TUSC3: variants seen among roughly 807,000 people sequenced by gnomAD.
The protein encoded by TUSC3 is tumor suppressor candidate 3.
TUSC3 carries 45 observed loss-of-function variants against 44.8 expected under a neutral mutation model. That is an observed-to-expected ratio of 1.00 (90% CI 0.79 to 1.29). The LOEUF (loss-of-function observed/expected upper bound fraction) is 1.29. Among genes scored for constraint, TUSC3 ranks in the 50% most tolerant of loss-of-function variants. TUSC3 has a pLI of 0.00. For synonymous variants in TUSC3, 212 were observed against 152.9 expected (o/e 1.39, Z -2.85); for missense variants, 519 against 437.9 (o/e 1.19, Z -1.65).
At chr8:15,496,541 G>A (rs565935097) in intron 2 of TUSC3, among the ~76,000 whole-genome samples, 1 of 152,146 alleles carries the variant, frequency 6.6e-6, no homozygotes, top group African/African-American at 2.4e-5. Context: ...TGCCGACAAG[G>A]TCTTACTTTT....
intron 1 of TUSC3, among the ~76,000 whole-genome samples, chr8:15,428,451 G>T (rs925139249): frequency 2.0e-5 from 3 of 151,952 alleles, no homozygotes; most frequent in Admixed American, 1.3e-4. Flanking sequence ...TGTCTTTATA[G>T]CAGCATGATT....
At chr8:15,493,876 A>G (rs571657058) in intron 2 of TUSC3, among the ~76,000 whole-genome samples, 54 of 152,214 alleles carry the variant, frequency 3.5e-4, no homozygotes, top group Non-Finnish European at 7.2e-4. Context: ...ACCCTTCTTC[A>G]TAGCTGAAGG....
intron 2 of TUSC3, among the ~76,000 whole-genome samples, chr8:15,528,017 T>A (rs554589779): frequency 6.6e-6 from 1 of 152,210 alleles, no homozygotes; most frequent in Non-Finnish European, 1.5e-5. Flanking sequence ...CAGATAAATA[T>A]TCTTTGACAT....
At chr8:15,709,630 T>A (rs996945002) in intron 6 of TUSC3, among the ~76,000 whole-genome samples, 2 of 151,816 alleles carry the variant, frequency 1.3e-5, no homozygotes, top group African/African-American at 4.8e-5. Flanking sequence ...AGGAGGATGA[T>A]GATGATGATG....
intron 8 of TUSC3, among the ~76,000 whole-genome samples, chr8:15,747,727 A>G (rs1283375321): frequency 1.3e-5 from 2 of 152,084 alleles, no homozygotes; most frequent in South Asian, 4.1e-4. Context: ...AGCACATTCG[A>G]CTATAACATA....
At chr8:15,617,787 A>C (rs1805060660) in intron 1 of TUSC3, among the ~76,000 whole-genome samples, 1 of 152,190 alleles carries the variant, frequency 6.6e-6, no homozygotes, top group Admixed American at 6.5e-5. Context: ...TTTTATTTTG[A>C]AACCATCCTC....
chr8:15,525,729 T>C (rs951582275), intron 2 of TUSC3, among the ~76,000 whole-genome samples: 6 of 151,992 alleles, frequency 3.9e-5, no homozygotes, highest in African/African-American at 1.4e-4. Flanking sequence ...TTGCTCTGGG[T>C]CTCCAGTGAT....
intron 1 of TUSC3, among the ~76,000 whole-genome samples, chr8:15,466,654 C>A (rs1800418381): frequency 6.6e-6 from 1 of 152,104 alleles, no homozygotes. Flanking sequence ...CTCAAATAAT[C>A]TTTTGCATTT....
At chr8:15,635,189 A>G (rs1024464094) in intron 2 of TUSC3, among the ~76,000 whole-genome samples, 3 of 152,212 alleles carry the variant, frequency 2.0e-5, no homozygotes, top group Non-Finnish European at 4.4e-5. Context: ...AAATTTTTCA[A>G]AATAGATCTG....
rs1402594845 is a variant in TUSC3, at chr8:15,710,721, C to T, written c.799-19945C>T. Among the ~76,000 whole-genome samples, 4 of 151,178 alleles carry T rather than the reference C, an allele frequency of 2.6e-5. No homozygotes were observed. The East Asian group carries it at 5.8e-4, about 22-fold the overall frequency. On this transcript the variant is annotated intron_variant, in intron 6 of 10. Coordinates refer to ENST00000503731, the MANE Select transcript of TUSC3 (RefSeq NM_006765.4). ...TATTTGAGTGAAATTTCTACAGAAA[C>T]ATATATAGGCATAAAAATGCACAAA...
intron 6 of TUSC3, among the ~76,000 whole-genome samples, chr8:15,728,646 G>T (rs1005831965): frequency 1.3e-5 from 2 of 152,156 alleles, no homozygotes; most frequent in Non-Finnish European, 2.9e-5. Flanking sequence ...GATATCAGGA[G>T]TTTCGTTTTA....
chr8:15,700,346 C>G (rs1809344031), intron 6 of TUSC3, among the ~76,000 whole-genome samples: 1 of 152,030 alleles, frequency 6.6e-6, no homozygotes, highest in Non-Finnish European at 1.5e-5. Flanking sequence ...TTGTGAAGTT[C>G]ATAATTTATT....
intron 6 of TUSC3, among the ~76,000 whole-genome samples, chr8:15,703,788 A>G (rs1563181505): frequency 6.6e-6 from 1 of 152,206 alleles, no homozygotes; most frequent in East Asian, 1.9e-4. Flanking sequence ...CCATGATCCA[A>G]ACTCCTCCTC....
intron 6 of TUSC3, among the ~76,000 whole-genome samples, chr8:15,686,751 C>T (rs1021826805): frequency 2.6e-5 from 4 of 152,040 alleles, no homozygotes; most frequent in Non-Finnish European, 5.9e-5. Context: ...AGAATGTTAA[C>T]ATTATCCTGA....
chr8:15,428,141 G>C (rs113854223), intron 1 of TUSC3, among the ~76,000 whole-genome samples: 16,486 of 106,580 alleles, frequency 0.15, 1,210 homozygotes, highest in Middle Eastern at 0.33. Context: ...CACAACAGTC[G>C]CCAGTGTGTG....
the TUSC3 span, among the ~76,000 whole-genome samples, chr8:15,826,049 A>G: frequency 3.3e-5 from 5 of 152,086 alleles, no homozygotes; most frequent in Non-Finnish European, 7.4e-5. Flanking sequence ...GTCATTTTCC[A>G]TGTTACTTTG....
intron 5 of TUSC3, among the ~76,000 whole-genome samples, chr8:15,667,076 A>T (rs1038917577): frequency 2.0e-5 from 3 of 151,460 alleles, no homozygotes; most frequent in African/African-American, 7.3e-5. Context: ...ATTGAATAAG[A>T]CTCACTGTGA....
intron 2 of TUSC3, among the ~76,000 whole-genome samples, chr8:15,649,791 C>G (rs1585192670): frequency 6.6e-6 from 1 of 152,088 alleles, no homozygotes; most frequent in Non-Finnish European, 1.5e-5. Context: ...CTGCTGCTGA[C>G]TCTGCTCCAA....
At chr8:15,482,357 C>A (rs1256964077) in intron 1 of TUSC3, among the ~76,000 whole-genome samples, 1 of 152,166 alleles carries the variant, frequency 6.6e-6, no homozygotes, top group East Asian at 1.9e-4. Flanking sequence ...ACAAAGTTCT[C>A]GTGGCAGAGA....
Sources: allele counts gnomAD v4.1 joint callset (sites outside exome capture counted in the v4.1 genomes callset), GRCh38; gene constraint gnomAD v4.1.1; transcripts MANE v1.5; gene names NCBI Gene and HGNC (gene_info 2026-07-23, HGNC 2026-07-21).